OXR1: variants seen among roughly 807,000 people sequenced by gnomAD.
OXR1 encodes the protein oxidation resistance protein 1.
A neutral mutation model predicts 104.6 loss-of-function variants in OXR1; 41 were observed. The ratio of observed to expected loss-of-function variants is 0.39; its 90% CI spans 0.31 to 0.51. OXR1 has a LOEUF of 0.51. Ranked by LOEUF, OXR1 falls within the 20% of genes least tolerant of loss-of-function variation. The pLI, the probability that OXR1 is intolerant of heterozygous loss-of-function variation, is 0.77. For synonymous variants in OXR1, 348 were observed against 348.4 expected, an observed-to-expected ratio of 1.00 and a Z score of 0.01; for missense variants, 955 against 1,031.9, an observed-to-expected ratio of 0.93 and a Z score of 1.02.
chr8:106,295,519 T>A (rs1812958150), intron 1 of OXR1, among the ~76,000 whole-genome samples: 1 of 152,134 alleles, frequency 6.6e-6, no homozygotes, highest in African/African-American at 2.4e-5. Context: ...CATTAGATAA[T>A]GTTACCATAA....
intron 14 of OXR1, among the ~76,000 whole-genome samples, chr8:106,741,197 T>C (rs1834890002): frequency 6.6e-6 from 1 of 152,104 alleles, no homozygotes; most frequent in Non-Finnish European, 1.5e-5. Context: ...CCAATGAAAA[T>C]GAATGAACTG....
intron 2 of OXR1, among the ~76,000 whole-genome samples, chr8:106,455,853 G>T (rs1820570201): frequency 6.6e-6 from 1 of 152,170 alleles, no homozygotes; most frequent in South Asian, 2.1e-4. Context: ...TTTCCCAATA[G>T]ACCTAGATTA....
chr8:106,380,138 A>C (rs1817083193), intron 2 of OXR1, among the ~76,000 whole-genome samples: 1 of 151,832 alleles, frequency 6.6e-6, no homozygotes, highest in Non-Finnish European at 1.5e-5. Flanking sequence ...TCCCAGTCCT[A>C]AACAACTACT....
chr8:106,527,720 C>G (rs1310475140), intron 3 of OXR1, among the ~76,000 whole-genome samples: 1 of 152,158 alleles, frequency 6.6e-6, no homozygotes, highest in Non-Finnish European at 1.5e-5. Context: ...TTTTAGGTGA[C>G]TAACATATTG....
rs1407034124 is a variant in OXR1, at chr8:106,305,236, G to A, written c.-139+34869G>A. Among the ~76,000 whole-genome samples, 127 of 152,018 alleles carry A rather than the reference G, an allele frequency of 8.4e-4. 1 individual carries two copies. The highest frequency in any genetic ancestry group is 1.0e-4 in the Non-Finnish European group (7 of 67,910). On this transcript the variant is annotated intron_variant, in intron 1 of 16. Coordinates refer to ENST00000517566, the MANE Select transcript of OXR1 (RefSeq NM_001198533.2). ...ACTTTTATGTTTCATTCTTTTTTTG[G>A]TAGCCAAATTTGTGTTAACAAGTTT...
intron 2 of OXR1, among the ~76,000 whole-genome samples, chr8:106,475,878 A>C (rs1294755871): frequency 6.6e-6 from 1 of 151,738 alleles, no homozygotes; most frequent in Non-Finnish European, 1.5e-5. Flanking sequence ...GAAACCCTTT[A>C]TTTCTCACCT....
At chr8:106,741,768 C>T (rs1020578557) in intron 14 of OXR1, among the ~76,000 whole-genome samples, 1 of 152,030 alleles carries the variant, frequency 6.6e-6, no homozygotes, top group Admixed American at 6.6e-5. Context: ...TCACACATAA[C>T]ACCTGCCCTC....
chr8:106,679,350 TTC>T (rs757182441), intron 4 of OXR1, 58 bp downstream of exon 4: 8 of 868,538 alleles, frequency 9.2e-6, no homozygotes, highest in Non-Finnish European at 1.5e-5. Flanking sequence ...CTTTAAGACA[TTC>T]TCTGTTTATA....
chr8:106,470,633 A>T (rs1314299285), intron 2 of OXR1, among the ~76,000 whole-genome samples: 1 of 151,808 alleles, frequency 6.6e-6, no homozygotes, highest in African/African-American at 2.4e-5. Flanking sequence ...AATTGTTTGC[A>T]TATAAATGGT....
chr8:106,637,573 C>T (rs3110426), intron 3 of OXR1, among the ~76,000 whole-genome samples: 91,443 of 151,942 alleles, frequency 0.6, 28,665 homozygotes, highest in African/African-American at 0.79. Context: ...ATTCTTCCAA[C>T]CTTGGGGAGG....
chr8:106,432,410 C>G (rs896867499), intron 2 of OXR1, among the ~76,000 whole-genome samples: 5 of 152,162 alleles, frequency 3.3e-5, no homozygotes, highest in African/African-American at 1.2e-4. Flanking sequence ...CTGCCGTGCT[C>G]CAGGCACTCC....
chr8:106,557,842 CT>C (rs1340031203), intron 3 of OXR1, among the ~76,000 whole-genome samples: 1 of 152,114 alleles, frequency 6.6e-6, no homozygotes, highest in African/African-American at 2.4e-5. Flanking sequence ...TGAGACTTGC[CT>C]TGTTCCTTTT....
At position 106,278,491 on chromosome 8, in the gene OXR1, A is replaced by T. The variant is rs116255079; in HGVS notation, c.-139+8124A>T. On this transcript the variant is annotated intron_variant, in intron 1 of 16. Transcript: ENST00000517566. ...ACAAACATGGGCAACTAAAAAAAAA[A>T]TCCAGAAAGGTTAACTTGTTAAATG... 9.9e-3 allele frequency among the ~76,000 whole-genome samples: 1,500 copies of T among 152,268 alleles called. 14 individuals carry two copies. The highest frequency in any genetic ancestry group is 0.033 in the African/African-American group (1,363 of 41,544).
intron 1 of OXR1, among the ~76,000 whole-genome samples, chr8:106,342,225 T>TTTTTC (rs750420368): frequency 2.8e-4 from 42 of 151,330 alleles, no homozygotes; most frequent in Middle Eastern, 3.4e-3. Flanking sequence ...TTCTTGCTTC[T>TTTTTC]TTTTCTTTTC....
intron 3 of OXR1, among the ~76,000 whole-genome samples, chr8:106,615,043 G>T (rs1821105173): frequency 6.6e-6 from 1 of 152,124 alleles, no homozygotes; most frequent in African/African-American, 2.4e-5. Context: ...ATTTGGCTGG[G>T]CATGATGGCT....
Position 106,739,564 on chromosome 8 carries a change from T to C in OXR1, c.2144T>C (p.Leu715Pro). 1 of 1,613,398 alleles carries C rather than the reference T, an allele frequency of 6.2e-7. No individual in the cohort carries two copies. Among genetic ancestry groups the C allele is most frequent in the East Asian group, 2.2e-5 (1 of 44,856 alleles). Residue 715 changes from leucine to proline, a missense_variant, in exon 13 of 17, where the codon CTG (leucine) becomes CCG (proline). Coordinates refer to ENST00000517566, the MANE Select transcript of OXR1 (RefSeq NM_001198533.2). Reference sequence around the variant, plus strand: ...CTAAGTGATCCCAGTGAACTTTTACTGCCAGATCAAATTGAAAAGGTATGA... The same window carrying C: ...CTAAGTGATCCCAGTGAACTTTTACCGCCAGATCAAATTGAAAAGGTATGA... ...PNLSDPSELLLPDQIEKLTKH... is the reference protein window; with the variant it reads ...PNLSDPSELLPPDQIEKLTKH...
intron 5 of OXR1, among the ~76,000 whole-genome samples, chr8:106,683,771 T>TC (rs1828417392): frequency 6.6e-6 from 1 of 152,212 alleles, no homozygotes; most frequent in Admixed American, 6.5e-5. Flanking sequence ...TCAGACTTTT[T>TC]CACGCGTGCA....
chr8:106,306,057 T>C (rs1813453036), intron 1 of OXR1, among the ~76,000 whole-genome samples: 1 of 152,034 alleles, frequency 6.6e-6, no homozygotes, highest in Non-Finnish European at 1.5e-5. Context: ...CTTTTTTTTT[T>C]CATTAAAATG....
At chr8:106,337,727 A>G (rs1180212049) in intron 1 of OXR1, among the ~76,000 whole-genome samples, 1 of 152,228 alleles carries the variant, frequency 6.6e-6, no homozygotes, top group African/African-American at 2.4e-5. Context: ...GATATGAAGA[A>G]AAAAATAAAA....
Sources: allele counts gnomAD v4.1 joint callset (sites outside exome capture counted in the v4.1 genomes callset), GRCh38; gene constraint gnomAD v4.1.1; transcripts MANE v1.5; gene names NCBI Gene and HGNC (gene_info 2026-07-23, HGNC 2026-07-21).